Variants in HDAC9 observed in about 807,000 individuals in gnomAD.
The protein encoded by HDAC9 is MEF-2 interacting transcription repressor (MITR) protein.
In HDAC9, 41 loss-of-function variants were observed where a neutral mutation model predicts 139.4. The observed-to-expected ratio is 0.29, with a 90% CI of 0.23 to 0.38. The LOEUF is 0.38. Ranked by LOEUF, HDAC9 falls within the 10% of genes least tolerant of loss-of-function variation. The pLI is 1.00. For missense variants in HDAC9, 1,147 were observed against 1,297.0 expected (o/e 0.88, Z 1.78); for synonymous variants, 517 against 476.2 (o/e 1.09, Z -1.12).
intron 2 of HDAC9, among the ~76,000 whole-genome samples, chr7:18,228,028 C>G (rs1043272130): frequency 2.6e-5 from 4 of 152,068 alleles, no homozygotes; most frequent in African/African-American, 9.7e-5. Flanking sequence ...CAGAATAAAT[C>G]AAAATAAATT....
At chr7:18,966,611 G>A (rs146510074) in intron 24 of HDAC9, among the ~76,000 whole-genome samples, 1 of 152,130 alleles carries the variant, frequency 6.6e-6, no homozygotes, top group Non-Finnish European at 1.5e-5. Context: ...TGAGGCAGGA[G>A]AATTGCTTGA....
intron 1 of HDAC9, among the ~76,000 whole-genome samples, chr7:18,304,602 A>C (rs80009602): frequency 6.6e-6 from 1 of 152,194 alleles, no homozygotes; most frequent in Non-Finnish European, 1.5e-5. Flanking sequence ...GTTGAAAAAA[A>C]GTAGGTTCTC....
intron 12 of HDAC9, among the ~76,000 whole-genome samples, chr7:18,699,585 T>C (rs1783311972): frequency 6.6e-6 from 1 of 152,198 alleles, no homozygotes; most frequent in Admixed American, 6.5e-5. Flanking sequence ...TATTTATTTA[T>C]ATAAAATCTG....
intron 22 of HDAC9, among the ~76,000 whole-genome samples, chr7:18,898,024 C>T (rs1000837654): frequency 6.6e-6 from 1 of 151,720 alleles, no homozygotes; most frequent in Non-Finnish European, 1.5e-5. Context: ...AAATATATTT[C>T]ACACATTTCT....
chr7:18,267,832 T>C (rs1356192478), intron 2 of HDAC9, among the ~76,000 whole-genome samples: 6 of 152,074 alleles, frequency 3.9e-5, no homozygotes, highest in African/African-American at 1.4e-4. Context: ...TTGCTAGATC[T>C]CGACTGGAAA....
intron 25 of HDAC9, among the ~76,000 whole-genome samples, chr7:18,984,464 G>A (rs1335116722): frequency 1.3e-5 from 2 of 152,142 alleles, no homozygotes; most frequent in East Asian, 1.9e-4. Flanking sequence ...CAGAGAGAGA[G>A]AGAGATAACT....
intron 24 of HDAC9, among the ~76,000 whole-genome samples, chr7:18,970,666 CAT>C (rs1300846416): frequency 6.6e-6 from 1 of 152,164 alleles, no homozygotes; most frequent in Middle Eastern, 3.4e-3. Flanking sequence ...TTAGAAAATC[CAT>C]AGACCTCCTT....
At chr7:18,204,150 A>G (rs1791331478) in intron 2 of HDAC9, among the ~76,000 whole-genome samples, 1 of 152,180 alleles carries the variant, frequency 6.6e-6, no homozygotes, top group Non-Finnish European at 1.5e-5. Flanking sequence ...TGAAAGTTTT[A>G]AAAATAATAT....
chr7:18,756,567 G>A (rs369357741), intron 14 of HDAC9, among the ~76,000 whole-genome samples: 10 of 152,206 alleles, frequency 6.6e-5, no homozygotes, highest in African/African-American at 1.9e-4. Context: ...AAATCAAAGC[G>A]AAGCGTGTTT....
At chr7:18,123,537 A>C (rs150754070) in intron 1 of HDAC9, among the ~76,000 whole-genome samples, 86 of 152,274 alleles carry the variant, frequency 5.6e-4, no homozygotes, top group Admixed American at 2.4e-3. Flanking sequence ...TAATATTTCT[A>C]TTGGGAAAAT....
chr7:18,262,561 TAACTGCATAGG>T (rs1795748395), intron 2 of HDAC9, among the ~76,000 whole-genome samples: 2 of 152,176 alleles, frequency 1.3e-5, no homozygotes, highest in Admixed American at 1.3e-4. Flanking sequence ...ACTAATAAGG[TAACTGCATAGG>T]TAAATATAAA....
intron 2 of HDAC9, among the ~76,000 whole-genome samples, chr7:18,540,124 A>C (rs1812307627): frequency 1.4e-5 from 2 of 144,940 alleles, no homozygotes; most frequent in Non-Finnish European, 3.0e-5. Context: ...AAAAAAAAAA[A>C]TAGCCAGGAA....
At chr7:18,902,685 G>T (rs1423240606) in intron 22 of HDAC9, among the ~76,000 whole-genome samples, 1 of 152,132 alleles carries the variant, frequency 6.6e-6, no homozygotes, top group East Asian at 1.9e-4. Context: ...CTTACCTCAG[G>T]ATATCTTGTT....
At chr7:18,774,238 T>A (rs1020739866) in intron 16 of HDAC9, among the ~76,000 whole-genome samples, 2 of 152,048 alleles carry the variant, frequency 1.3e-5, no homozygotes, top group Admixed American at 6.6e-5. Context: ...AGAGCATGCA[T>A]TGAGTCATTA....
At chr7:18,112,606 A>G (rs1190336453) in intron 1 of HDAC9, among the ~76,000 whole-genome samples, 2 of 152,224 alleles carry the variant, frequency 1.3e-5, no homozygotes, top group African/African-American at 2.4e-5. Flanking sequence ...TAATGAAAGC[A>G]TTTTGTAAGA....
At chr7:18,769,337 A>G (rs1790089202) in intron 16 of HDAC9, among the ~76,000 whole-genome samples, 3 of 152,198 alleles carry the variant, frequency 2.0e-5, no homozygotes, top group African/African-American at 4.8e-5. Flanking sequence ...CCTCTGGACC[A>G]GTATATCAAA....
intron 1 of HDAC9, among the ~76,000 whole-genome samples, chr7:18,358,643 T>G (rs1302331501): frequency 6.6e-6 from 1 of 152,238 alleles, no homozygotes; most frequent in African/African-American, 2.4e-5. Context: ...TTGATATCAT[T>G]GTTAGGAACT....
At chr7:18,898,732 C>CT (rs1004358163) in intron 22 of HDAC9, among the ~76,000 whole-genome samples, 35 of 150,932 alleles carry the variant, frequency 2.3e-4, no homozygotes, top group African/African-American at 4.1e-4. Context: ...AAGGATAAGA[C>CT]TTTTTTTTTA....
intron 2 of HDAC9, among the ~76,000 whole-genome samples, chr7:18,211,782 G>T (rs1225972176): frequency 6.6e-6 from 1 of 152,120 alleles, no homozygotes; most frequent in Non-Finnish European, 1.5e-5. Context: ...ACAGAGTGTT[G>T]TGAGAGTAAA....
Sources: allele counts gnomAD v4.1 joint callset (sites outside exome capture counted in the v4.1 genomes callset), GRCh38; gene constraint gnomAD v4.1.1; transcripts MANE v1.5; gene names NCBI Gene and HGNC (gene_info 2026-07-23, HGNC 2026-07-21).